ARHGAP39: variants seen among roughly 807,000 people sequenced by gnomAD.
ARHGAP39 encodes rho GTPase-activating protein 39.
Under a neutral mutation model 106.9 loss-of-function variants are expected in ARHGAP39, and 44 were observed. That is an observed-to-expected ratio of 0.41 (90% CI 0.32 to 0.53). The LOEUF (loss-of-function observed/expected upper bound fraction) is 0.53. Among genes scored for constraint, ARHGAP39 ranks in the 20% least tolerant of loss-of-function variants. The probability of loss-of-function intolerance (pLI) is 0.21; values close to 1 mark genes in which losing one functional copy is unlikely to be tolerated. For missense variants in ARHGAP39, 1,496 were observed against 1,577.3 expected, an observed-to-expected ratio of 0.95 and a Z score of 0.87; for synonymous variants, 768 against 693.2, an observed-to-expected ratio of 1.11 and a Z score of -1.69.
Position 144,547,319 on chromosome 8 carries a change from G to T in ARHGAP39, c.1767C>A (p.Gly589=). The change falls in exon 5 of 12, where the codon GGC becomes GGA. Residue 589 remains glycine (G), a synonymous_variant. Coordinates refer to ENST00000377307, the MANE Select transcript of ARHGAP39 (RefSeq NM_025251.3). This position sits in a 1 kb window ranked among gnomAD's most constrained non-coding sequence, Gnocchi z 5.2. The part of the protein sequence containing the change: ...QQDGSGYESD[G]ALPLPMPGPV... ...GCCCGGGCATGGGCAGTGGCAGGGCGCCGTCGCTCTCGTAGCCAGAGCCGT... is the reference window on the plus strand; with the variant it reads ...GCCCGGGCATGGGCAGTGGCAGGGCTCCGTCGCTCTCGTAGCCAGAGCCGT... 1 of 1,609,806 alleles carries T rather than the reference G, an allele frequency of 6.2e-7. No individual in the cohort carries two copies.
chr8:144,679,261 C>T lies in ARHGAP39; in HGVS notation c.-82+6425G>A, dbSNP rs1394472193. Among the ~76,000 whole-genome samples the T allele has an allele frequency of 1.3e-5, 2 of 152,314 alleles. No individual in the cohort carries two copies. The highest frequency in any genetic ancestry group is 2.1e-4 in the South Asian group (1 of 4,824). On this transcript the variant is annotated intron_variant, in intron 1 of 11. Coordinates refer to ENST00000377307, the MANE Select transcript of ARHGAP39 (RefSeq NM_025251.3). This position sits in a 1 kb window ranked among gnomAD's most constrained non-coding sequence, Gnocchi z 4.7. Reference sequence around the variant, plus strand: ...GGCTCCTCAGCTCTGCTCAGCACAGCGTCCGAGCAGGGGCTCACCTTCCCC... The same window carrying T: ...GGCTCCTCAGCTCTGCTCAGCACAGTGTCCGAGCAGGGGCTCACCTTCCCC...
the ARHGAP39 span, among the ~76,000 whole-genome samples, chr8:144,693,781 G>A: frequency 6.6e-6 from 1 of 152,326 alleles, no homozygotes; most frequent in African/African-American, 2.4e-5. Context: ...GGCATCAGGG[G>A]TACAGCACTA....
At chr8:144,602,935 TC>T (rs1374696395) in intron 2 of ARHGAP39, among the ~76,000 whole-genome samples, 3 of 116,324 alleles carry the variant, frequency 2.6e-5, no homozygotes, top group Admixed American at 9.0e-5. Context: ...GTGTGTGTGC[TC>T]GTGTACCTGT....
chr8:144,623,252 C>T (rs1264067010), intron 1 of ARHGAP39, among the ~76,000 whole-genome samples: 1 of 152,074 alleles, frequency 6.6e-6, no homozygotes, highest in East Asian at 1.9e-4. Flanking sequence ...CAAAAATAAT[C>T]CAAAAGAAGT....
chr8:144,600,722 G>A (rs1819858469), intron 2 of ARHGAP39, among the ~76,000 whole-genome samples: 1 of 147,972 alleles, frequency 6.8e-6, no homozygotes, highest in Non-Finnish European at 1.5e-5. Flanking sequence ...TTGTGTACCT[G>A]AGTGTGCGTG....
At chr8:144,617,962 T>G (rs956594803) in intron 1 of ARHGAP39, among the ~76,000 whole-genome samples, 9 of 151,792 alleles carry the variant, frequency 5.9e-5, no homozygotes, top group Admixed American at 2.0e-4. Flanking sequence ...TTGTATTTTT[T>G]CTAGAGATGG....
intron 3 of ARHGAP39, among the ~76,000 whole-genome samples, chr8:144,561,500 C>G (rs531609964): frequency 2.7e-5 from 4 of 150,440 alleles, no homozygotes; most frequent in East Asian, 1.9e-4. Context: ...CAGTGGTTTC[C>G]ATCAGACTCC....
At chr8:144,603,000 G>C (rs1820115590) in intron 2 of ARHGAP39, among the ~76,000 whole-genome samples, 1 of 132,126 alleles carries the variant, frequency 7.6e-6, no homozygotes, top group Admixed American at 7.4e-5. Context: ...CATGTGCGTG[G>C]AGGTGTGTGT....
chr8:144,576,174 A>G (rs1818765362), intron 3 of ARHGAP39, among the ~76,000 whole-genome samples: 1 of 151,910 alleles, frequency 6.6e-6, no homozygotes, highest in Non-Finnish European at 1.5e-5. Flanking sequence ...CTCTACTAAA[A>G]ATACAAAAAT....
Position 144,645,496 on chromosome 8 carries a change from G to A in ARHGAP39, c.-81-39801C>T, listed in dbSNP as rs1468437428. The stretch of plus-strand genomic sequence containing the variant: ...CCCGGCAGAGTCACTGATGGTCTCC[G>A]TCAGGGCAGAGCCTCCCCGCCTCAC... On this transcript the variant is annotated intron_variant, in intron 1 of 11. Transcript: ENST00000377307. The surrounding 1 kb of genome is among the most constrained non-coding windows in gnomAD (Gnocchi z 4.4). Among the ~76,000 whole-genome samples, 1 of 148,776 alleles carries A rather than the reference G, an allele frequency of 6.7e-6. No individual in the cohort carries two copies. The highest frequency in any genetic ancestry group is 1.5e-5 in the Non-Finnish European group (1 of 67,244).
chr8:144,662,375 G>A (rs763544271), intron 1 of ARHGAP39, among the ~76,000 whole-genome samples: 4 of 126,966 alleles, frequency 3.2e-5, no homozygotes, highest in Non-Finnish European at 4.9e-5. Flanking sequence ...CTTGGACCAC[G>A]TTCCACTCCC....
chr8:144,655,343 C>T (rs1410714616), intron 1 of ARHGAP39, among the ~76,000 whole-genome samples: 1 of 152,170 alleles, frequency 6.6e-6, no homozygotes, highest in African/African-American at 2.4e-5. Flanking sequence ...AACAGGACAA[C>T]CAGCTGAAGA....
At chr8:144,546,484 C>T (rs368687029) in intron 5 of ARHGAP39, among the ~76,000 whole-genome samples, 3 of 152,334 alleles carry the variant, frequency 2.0e-5, no homozygotes, top group East Asian at 3.9e-4. Context: ...CCTCCTCCAC[C>T]CTCCCGGGTC....
intron 1 of ARHGAP39, among the ~76,000 whole-genome samples, chr8:144,639,838 C>T (rs1049018893): frequency 1.3e-5 from 2 of 152,162 alleles, no homozygotes; most frequent in African/African-American, 2.4e-5. Flanking sequence ...GTCAGGAAGC[C>T]GCATTTAAAA....
At chr8:144,682,729 G>A (rs781187997) in intron 1 of ARHGAP39, among the ~76,000 whole-genome samples, 3 of 152,172 alleles carry the variant, frequency 2.0e-5, no homozygotes, top group Non-Finnish European at 4.4e-5. Context: ...AACAATGGCA[G>A]GCTGGGCACA....
At chr8:144,615,880 C>A (rs1182115814) in intron 1 of ARHGAP39, among the ~76,000 whole-genome samples, 2 of 152,222 alleles carry the variant, frequency 1.3e-5, no homozygotes, top group African/African-American at 4.8e-5. Context: ...GCCGCCCCTT[C>A]AGCAGCTGTG....
chr8:144,611,822 C>T (rs1004999782), intron 1 of ARHGAP39, among the ~76,000 whole-genome samples: 3 of 152,078 alleles, frequency 2.0e-5, no homozygotes, highest in Admixed American at 6.6e-5. Flanking sequence ...TCAAGACCAG[C>T]CTGGGCAACA....
At chr8:144,601,701 T>TGGA (rs1819962933) in intron 2 of ARHGAP39, among the ~76,000 whole-genome samples, 8 of 120,144 alleles carry the variant, frequency 6.7e-5, no homozygotes, top group East Asian at 2.8e-4. Flanking sequence ...TGCATGTGTG[T>TGGA]GGTGTGTGTG....
At chr8:144,626,735 G>A (rs1046478772) in intron 1 of ARHGAP39, among the ~76,000 whole-genome samples, 4 of 152,228 alleles carry the variant, frequency 2.6e-5, no homozygotes, top group African/African-American at 9.6e-5. Context: ...CAAGACCAAG[G>A]TCTGCCCTCC....
Sources: allele counts gnomAD v4.1 joint callset (sites outside exome capture counted in the v4.1 genomes callset), GRCh38; gene constraint gnomAD v4.1.1; non-coding constraint Gnocchi (gnomAD v3.1); transcripts MANE v1.5; gene names NCBI Gene and HGNC (gene_info 2026-07-23, HGNC 2026-07-21).